Variants in SLC4A4 observed in about 807,000 individuals in gnomAD.
The protein encoded by SLC4A4 is solute carrier family 4 member 4, also known as electrogenic sodium bicarbonate cotransporter 1.
A neutral mutation model predicts 111.5 loss-of-function variants in SLC4A4; 27 were observed. The ratio of observed to expected loss-of-function variants is 0.24; its 90% CI spans 0.18 to 0.33. The LOEUF is 0.33. Among genes scored for constraint, SLC4A4 ranks in the 10% least tolerant of loss-of-function variants. The pLI is 1.00. For missense variants in SLC4A4, 909 were observed against 1,315.5 expected, an observed-to-expected ratio of 0.69 and a Z score of 4.78; for synonymous variants, 443 against 463.4, an observed-to-expected ratio of 0.96 and a Z score of 0.57.
At chr4:71,200,257 C>A (rs893268164) in intron 1 of SLC4A4, among the ~76,000 whole-genome samples, 2 of 152,298 alleles carry the variant, frequency 1.3e-5, no homozygotes, top group Non-Finnish European at 2.9e-5. Flanking sequence ...GCTTAAATTA[C>A]AAGAGTGGCC....
chr4:71,354,522 A>C (rs907048827), intron 5 of SLC4A4, among the ~76,000 whole-genome samples: 5 of 152,184 alleles, frequency 3.3e-5, no homozygotes, highest in African/African-American at 9.7e-5. Context: ...GGGTTGATTC[A>C]ATAAGAAACA....
chr4:71,224,566 C>A (rs1718939774), intron 1 of SLC4A4, among the ~76,000 whole-genome samples: 1 of 152,112 alleles, frequency 6.6e-6, no homozygotes, highest in Non-Finnish European at 1.5e-5. Flanking sequence ...ATTAAATGAG[C>A]TAATAATATT....
chr4:71,267,999 C>T (rs528739583), intron 3 of SLC4A4, among the ~76,000 whole-genome samples: 1 of 150,118 alleles, frequency 6.7e-6, no homozygotes, highest in African/African-American at 2.4e-5. Context: ...AGAACCACTC[C>T]CAACTTCTGC....
intron 2 of SLC4A4, among the ~76,000 whole-genome samples, chr4:71,095,057 T>C (rs1479869392): frequency 6.6e-6 from 1 of 152,220 alleles, no homozygotes; most frequent in Non-Finnish European, 1.5e-5. Context: ...AACAGGAGCA[T>C]ACTGTTTAAT....
intron 7 of SLC4A4, among the ~76,000 whole-genome samples, chr4:71,406,645 C>CT (rs58765854): frequency 0.62 from 87,045 of 140,234 alleles, 28,437 homozygotes; most frequent in Non-Finnish European, 0.74. Context: ...AACAATGATT[C>CT]TTTTTTTTTT....
At position 71,506,793 on chromosome 4, in the gene SLC4A4, T is replaced by C. The variant is rs573199394; in HGVS notation, c.2166+9101T>C. 2.6e-5 allele frequency among the ~76,000 whole-genome samples: 4 copies of C among 152,020 alleles called. No homozygotes were observed. The South Asian group carries it at 8.3e-4, about 32-fold the overall frequency. The stretch of plus-strand genomic sequence containing the variant: ...AGGTCGTCCTCAAGACACATAATCA[T>C]CAGATTCTCCAAGGTTGAAAGAAAA... On this transcript the variant is annotated intron_variant, in intron 16 of 25. Coordinates refer to ENST00000264485, the MANE Select transcript of SLC4A4 (RefSeq NM_001098484.3).
chr4:71,440,868 T>G (rs1724652814), intron 8 of SLC4A4, 95 bp downstream of exon 8: 10 of 1,371,748 alleles, frequency 7.3e-6, no homozygotes, highest in Non-Finnish European at 9.3e-6. Flanking sequence ...AAATATTTAG[T>G]GCAAACACAT....
intron 12 of SLC4A4, among the ~76,000 whole-genome samples, 192 bp downstream of exon 12, chr4:71,453,861 G>A (rs1308068503): frequency 2.0e-5 from 3 of 152,118 alleles, no homozygotes; most frequent in Non-Finnish European, 4.4e-5. Flanking sequence ...AAAATAGCTC[G>A]ATGAAATCTG....
rs113048599 is a variant in SLC4A4 at position 71,083,041 on chromosome 4, C to T, written c.-64-9689C>T. ...GATAATTTTTGTATTTTAGTAGAGA[C>T]GGGGCTTCACCATGTTGGCCAGGTT... is the stretch of plus-strand genomic sequence containing the variant. On this transcript the variant is annotated intron_variant, in intron 1 of 26. Transcript: ENST00000649996. Among the ~76,000 whole-genome samples, 591 of 151,778 alleles carry T rather than the reference C, an allele frequency of 3.9e-3. 9 individuals carry two copies. The highest frequency in any genetic ancestry group is 0.014 in the African/African-American group (561 of 41,292).
chr4:71,527,851 T>A (rs1442486026), intron 16 of SLC4A4, among the ~76,000 whole-genome samples: 1 of 152,082 alleles, frequency 6.6e-6, no homozygotes, highest in Non-Finnish European at 1.5e-5. Context: ...TTTTTTGTTC[T>A]TTAGCATGTA....
intron 3 of SLC4A4, among the ~76,000 whole-genome samples, chr4:71,296,832 GT>G: frequency 6.6e-6 from 1 of 152,192 alleles, no homozygotes; most frequent in South Asian, 2.1e-4. Flanking sequence ...AGACATACCT[GT>G]TTGCTTTGTT....
At chr4:71,384,913 G>T (rs137877668) in intron 6 of SLC4A4, among the ~76,000 whole-genome samples, 3 of 151,644 alleles carry the variant, frequency 2.0e-5, no homozygotes, top group African/African-American at 7.2e-5. Flanking sequence ...AGCATTAGGA[G>T]AAATACCTAA....
At chr4:71,371,040 A>G (rs181500526) in intron 6 of SLC4A4, among the ~76,000 whole-genome samples, 26 of 152,132 alleles carry the variant, frequency 1.7e-4, no homozygotes, top group Non-Finnish European at 2.6e-4. Context: ...TACTGTATCC[A>G]TTCAGTAAAT....
intron 1 of SLC4A4, among the ~76,000 whole-genome samples, chr4:71,223,186 T>C (rs1165232076): frequency 1.3e-5 from 2 of 152,124 alleles, no homozygotes; most frequent in Non-Finnish European, 2.9e-5. Context: ...CTCTTTTTTT[T>C]TTTTTCTGAG....
chr4:71,237,339 G>T (rs1310164926), intron 2 of SLC4A4, among the ~76,000 whole-genome samples: 1 of 152,076 alleles, frequency 6.6e-6, no homozygotes, highest in Non-Finnish European at 1.5e-5. Flanking sequence ...AGGCAAAGCT[G>T]AATTAATATT....
chr4:71,305,251 A>G (rs972626443), intron 3 of SLC4A4, among the ~76,000 whole-genome samples: 3 of 152,218 alleles, frequency 2.0e-5, no homozygotes. Context: ...TGGGATTTTC[A>G]GTTAGATTTA....
intron 15 of SLC4A4, among the ~76,000 whole-genome samples, chr4:71,490,911 C>A (rs551779376): frequency 6.6e-6 from 1 of 151,808 alleles, no homozygotes; most frequent in East Asian, 1.9e-4. Flanking sequence ...AATCATGCCA[C>A]TGCACTCCAG....
At chr4:71,489,142 A>G (rs1729677607) in intron 15 of SLC4A4, among the ~76,000 whole-genome samples, 1 of 151,708 alleles carries the variant, frequency 6.6e-6, no homozygotes, top group Non-Finnish European at 1.5e-5. Flanking sequence ...TATAATTCTC[A>G]CAATCACTTT....
At chr4:71,457,488 A>AC (rs1369818512) in intron 12 of SLC4A4, among the ~76,000 whole-genome samples, 1 of 151,938 alleles carries the variant, frequency 6.6e-6, no homozygotes, top group Non-Finnish European at 1.5e-5. Context: ...CCAAGAGTTG[A>AC]CATTACATTC....
Sources: allele counts gnomAD v4.1 joint callset (sites outside exome capture counted in the v4.1 genomes callset), GRCh38; gene constraint gnomAD v4.1.1; transcripts MANE v1.5; gene names NCBI Gene and HGNC (gene_info 2026-07-23, HGNC 2026-07-21).